TSHZ1: variants seen among roughly 807,000 people sequenced by gnomAD.
TSHZ1 encodes the protein teashirt zinc finger homeobox 1, also known as teashirt homolog 1.
TSHZ1 carries 12 observed loss-of-function variants against 67.1 expected under a neutral mutation model. That is an observed-to-expected ratio of 0.18 (90% CI 0.11 to 0.29). The LOEUF (loss-of-function observed/expected upper bound fraction) is 0.29. Among genes scored for constraint, TSHZ1 ranks in the 10% least tolerant of loss-of-function variants. The pLI, the probability that TSHZ1 is intolerant of heterozygous loss-of-function variation, is 1.00. For missense variants in TSHZ1, 1,305 were observed against 1,413.9 expected (o/e 0.92, Z 1.23); for synonymous variants, 632 against 622.4 (o/e 1.02, Z -0.23).
intron 1 of TSHZ1, among the ~76,000 whole-genome samples, chr18:75,278,830 C>T (rs1461196949): frequency 6.6e-6 from 1 of 152,136 alleles, no homozygotes; most frequent in Non-Finnish European, 1.5e-5. Context: ...GTCCTTGGAA[C>T]TAAGCCAGGC....
In TSHZ1 at chr18:75,289,864, T is replaced by C. The variant is rs559261960; in HGVS notation, c.*1223T>C. On this transcript the variant is annotated 3_prime_UTR_variant, in exon 2 of 2. Coordinates refer to ENST00000580243, the MANE Select transcript of TSHZ1 (RefSeq NM_001308210.2). ...CATTTTGATGTTCTATCATTAATAT[T>C]GTACAGTACATTTTGGTTCACACAA... 1 of 167,248 alleles carries C rather than the reference T, an allele frequency of 6.0e-6. No homozygotes were observed. The highest frequency in any genetic ancestry group is 1.9e-4 in the East Asian group (1 of 5,194). The allele number at this position is 167,248 out of a possible 1,614,324, so 10.4% of individuals were successfully genotyped here. A position where few individuals can be genotyped will look rare whatever the true frequency, so the allele number is the denominator to read the frequency against.
chr18:75,233,834 C>T (rs1213431066), intron 1 of TSHZ1, among the ~76,000 whole-genome samples: 11 of 152,186 alleles, frequency 7.2e-5, no homozygotes, highest in Admixed American at 2.6e-4. Context: ...AGCATCCGCA[C>T]GCCCGGCTTG....
chr18:75,278,143 A>T (rs866880870), intron 1 of TSHZ1, among the ~76,000 whole-genome samples: 16 of 151,600 alleles, frequency 1.1e-4, no homozygotes, highest in Non-Finnish European at 1.9e-4. Flanking sequence ...GTCCCACCCC[A>T]GTTTACTCTG....
intron 1 of TSHZ1, among the ~76,000 whole-genome samples, chr18:75,282,093 G>T (rs567074314): frequency 6.6e-6 from 1 of 152,284 alleles, no homozygotes; most frequent in African/African-American, 2.4e-5. Context: ...TTCTTAGGAG[G>T]GCCTTCTCGT....
At chr18:75,214,594 C>G (rs2022742739) in intron 1 of TSHZ1, among the ~76,000 whole-genome samples, 1 of 152,016 alleles carries the variant, frequency 6.6e-6, no homozygotes, top group African/African-American at 2.4e-5. Context: ...TTGAGAGTAT[C>G]TTAGTGTCAA....
At position 75,287,833 on chromosome 18, in the gene TSHZ1, C is replaced by T. The variant is rs1229214860; in HGVS notation, c.2426C>T (p.Pro809Leu). ...TACTATTATGAAAACAGCGACCAGC[C>T]CATTGACTTAACCAAGTCCAAGAAC... is the stretch of plus-strand genomic sequence containing the variant. ...DRYYYENSDQ[P>L]IDLTKSKNKP... Residue 809 changes from proline to leucine, a missense_variant, in exon 2 of 2, where the codon CCC (proline) becomes CTC (leucine). This residue lies in a region of TSHZ1 where 909 missense variants were observed against 961.8 expected (regional missense o/e 0.95). Coordinates refer to ENST00000580243, the MANE Select transcript of TSHZ1 (RefSeq NM_001308210.2). This position sits in a 1 kb window ranked among gnomAD's most constrained non-coding sequence, Gnocchi z 5.0. 1 of 1,614,110 alleles carries T rather than the reference C, an allele frequency of 6.2e-7. No homozygotes were observed. Among genetic ancestry groups the T allele is most frequent in the Non-Finnish European group, 8.5e-7 (1 of 1,180,036 alleles).
At chr18:75,261,112 T>C (rs1408397987) in intron 1 of TSHZ1, among the ~76,000 whole-genome samples, 1 of 151,732 alleles carries the variant, frequency 6.6e-6, no homozygotes, top group Non-Finnish European at 1.5e-5. Context: ...AGTTCCGCGA[T>C]GTACCCGGAG....
In TSHZ1 at chr18:75,286,862, G is replaced by A; in HGVS notation, c.1455G>A (p.Lys485=). The A allele has an allele frequency of 6.2e-7, 1 of 1,614,114 alleles. No individual in the cohort carries two copies. The highest frequency in any genetic ancestry group is 8.5e-7 in the Non-Finnish European group (1 of 1,180,028). ...HTRLPASSIK[K]QPDSPAGSTT... ...GGCTGCCGGCCTCCAGCATCAAAAAGCAGCCCGACTCTCCCGCGGGGTCCA... is the reference window on the plus strand; with the variant it reads ...GGCTGCCGGCCTCCAGCATCAAAAAACAGCCCGACTCTCCCGCGGGGTCCA... Residue 485 remains lysine (K), a synonymous_variant, in exon 2 of 2, where the codon AAG becomes AAA. Transcript: ENST00000580243. This position sits in a 1 kb window ranked among gnomAD's most constrained non-coding sequence, Gnocchi z 5.1.
chr18:75,280,738 C>T (rs1568367867), intron 1 of TSHZ1: 8 of 985,172 alleles, frequency 8.1e-6, no homozygotes, highest in Non-Finnish European at 9.6e-6. Flanking sequence ...GATGAAAATA[C>T]TCAACCCAGA....
intron 1 of TSHZ1, among the ~76,000 whole-genome samples, chr18:75,223,105 A>C (rs1430286968): frequency 6.6e-6 from 1 of 152,210 alleles, no homozygotes; most frequent in East Asian, 1.9e-4. Flanking sequence ...GATGAAGATA[A>C]TAATACATTT....
At chr18:75,271,599 C>G (rs2122596057) in intron 1 of TSHZ1, among the ~76,000 whole-genome samples, 1 of 152,286 alleles carries the variant, frequency 6.6e-6, no homozygotes, top group Non-Finnish European at 1.5e-5. Context: ...CCGTGCCTAT[C>G]TGAAGTGACA....
intron 1 of TSHZ1, among the ~76,000 whole-genome samples, chr18:75,232,157 C>T (rs1291090880): frequency 6.6e-6 from 1 of 152,188 alleles, no homozygotes; most frequent in African/African-American, 2.4e-5. Context: ...GGGCGATCCA[C>T]CTGCCTCAGC....
chr18:75,269,817 C>T, intron 1 of TSHZ1, among the ~76,000 whole-genome samples: 1 of 152,086 alleles, frequency 6.6e-6, no homozygotes, highest in East Asian at 1.9e-4. Flanking sequence ...CGTTCCCAGC[C>T]CCCCTGGCTC....
intron 1 of TSHZ1, among the ~76,000 whole-genome samples, chr18:75,252,352 G>A (rs183044569): frequency 1.3e-5 from 2 of 152,300 alleles, no homozygotes; most frequent in East Asian, 1.9e-4. Context: ...TTTGTTGCGT[G>A]TACTGCCAAC....
At chr18:75,225,156 C>T (rs560819869) in intron 1 of TSHZ1, among the ~76,000 whole-genome samples, 16 of 152,112 alleles carry the variant, frequency 1.1e-4, no homozygotes, top group Admixed American at 6.5e-4. Flanking sequence ...GCACGTGGGA[C>T]GTGGAAGCTG....
chr18:75,265,163 G>T (rs1171356656), intron 1 of TSHZ1, among the ~76,000 whole-genome samples: 1 of 152,184 alleles, frequency 6.6e-6, no homozygotes, highest in East Asian at 1.9e-4. Context: ...CTCGACATCT[G>T]TGAGTTTTAA....
chr18:75,213,724 C>T (rs759094293), intron 1 of TSHZ1, among the ~76,000 whole-genome samples: 35 of 152,012 alleles, frequency 2.3e-4, no homozygotes, highest in Middle Eastern at 6.8e-3. Flanking sequence ...GCCGTCAAGG[C>T]GACTTTTTTC....
intron 1 of TSHZ1, among the ~76,000 whole-genome samples, chr18:75,256,454 TC>T (rs1217945522): frequency 6.6e-5 from 10 of 152,154 alleles, no homozygotes; most frequent in Admixed American, 2.0e-4. Flanking sequence ...TGAGTCTACT[TC>T]CCCTGGCCTA....
At chr18:75,233,737 G>T (rs542152251) in intron 1 of TSHZ1, among the ~76,000 whole-genome samples, 1 of 152,116 alleles carries the variant, frequency 6.6e-6, no homozygotes, top group African/African-American at 2.4e-5. Flanking sequence ...GAGGAGTGAC[G>T]TGGGGCTTCC....
Sources: gnomAD v4.1 joint callset for allele counts (sites outside exome capture counted in the v4.1 genomes callset) on GRCh38, gnomAD v4.1.1 for gene constraint, gnomAD v4.1.1 regional missense constraint, Gnocchi (gnomAD v3.1) non-coding constraint, MANE v1.5 for transcripts, NCBI Gene and HGNC (gene_info 2026-07-23, HGNC 2026-07-21) for gene names.